The following SAP130 variants were observed in gnomAD, a reference collection of about 807,000 sequenced individuals.
SAP130 encodes the protein Sin3A associated protein 130.
A neutral mutation model predicts 103.2 loss-of-function variants in SAP130; 16 were observed. The observed-to-expected ratio is 0.16, with a 90% CI of 0.10 to 0.24. The LOEUF (loss-of-function observed/expected upper bound fraction) is 0.24. Among genes scored for constraint, SAP130 ranks in the 10% least tolerant of loss-of-function variants. The probability of loss-of-function intolerance (pLI) is 1.00; values close to 1 mark genes in which losing one functional copy is unlikely to be tolerated. For missense variants in SAP130, 990 were observed against 1,359.7 expected, an observed-to-expected ratio of 0.73 and a Z score of 4.28; for synonymous variants, 477 against 497.0, an observed-to-expected ratio of 0.96 and a Z score of 0.53.
intron 14 of SAP130, among the ~76,000 whole-genome samples, chr2:127,978,477 AC>A (rs920863522): frequency 1.4e-4 from 21 of 152,166 alleles, no homozygotes; most frequent in African/African-American, 5.1e-4. Flanking sequence ...GTTTATAAAG[AC>A]CCCGAAGCCA....
rs556025966 is a variant in SAP130 at position 127,982,090 on chromosome 2, T to C, written c.1959-4001A>G. Among the ~76,000 whole-genome samples the C allele has an allele frequency of 3.4e-4, 51 of 152,114 alleles. 1 individual carries two copies. The highest frequency in any genetic ancestry group is 1.2e-3 in the African/African-American group (51 of 41,482). ...TGCGTCTGTGACATTTTCTATATAC[T>C]TCCATGAAAATGATGAAAAAAAGAC... On this transcript the variant is annotated intron_variant, in intron 14 of 20. Coordinates refer to ENST00000643581, the MANE Select transcript of SAP130 (RefSeq NM_001330301.2).
In SAP130 at chr2:127,942,358, A is replaced by C. The variant is rs900627676; in HGVS notation, c.3015+66T>G. 2.5e-6 allele frequency: 3 copies of C among 1,218,848 alleles called. No individual in the cohort carries two copies. In the African/African-American group the frequency reaches 4.5e-5, roughly 18 times the overall value. The allele number at this position is 1,218,848 out of a possible 1,614,324, so 75.5% of individuals were successfully genotyped here. A position where few individuals can be genotyped will look rare whatever the true frequency, so the allele number is the denominator to read the frequency against. ...TGAGGGAGACGGGGGGAAACGGGAG[A>C]AGTAGGGCTTTACAGAAAGCAACTT... On this transcript the variant is annotated intron_variant, in intron 20 of 20. Transcript: ENST00000643581. The surrounding 1 kb of genome is among the most constrained non-coding windows in gnomAD (Gnocchi z 4.8).
chr2:127,997,053 G>C (rs747290798), intron 10 of SAP130, among the ~76,000 whole-genome samples: 1 of 152,284 alleles, frequency 6.6e-6, no homozygotes. Flanking sequence ...TAATTCCCAA[G>C]TCTGTTTCTT....
At chr2:128,017,642 G>A in intron 3 of SAP130, 38 bp downstream of exon 3, 1 of 1,531,126 alleles carries the variant, frequency 6.5e-7, no homozygotes, top group Non-Finnish European at 9.1e-7. Flanking sequence ...CCAGTCTCGA[G>A]CTCTGGTTCA....
rs747959672 is a variant in SAP130, at chr2:127,986,761, T to C, written c.1958+24A>G. The C allele has an allele frequency of 3.0e-5, 49 of 1,607,074 alleles. No individual in the cohort carries two copies. The highest frequency in any genetic ancestry group is 4.0e-5 in the Non-Finnish European group (47 of 1,174,844). On this transcript the variant is annotated intron_variant, in intron 14 of 20. Transcript: ENST00000643581. The surrounding 1 kb of genome is among the most constrained non-coding windows in gnomAD (Gnocchi z 4.7). ...GTTATATCCAGAACCAGAGGTGTCA[T>C]TCGGCACTACCAGGTCTACTCACCC...
intron 11 of SAP130, among the ~76,000 whole-genome samples, chr2:127,994,588 T>C (rs1481536340): frequency 1.3e-4 from 19 of 151,976 alleles, no homozygotes; most frequent in Admixed American, 1.2e-3. Flanking sequence ...TGAGACCTCA[T>C]CTCTACAAAA....
rs973531552 is a variant in SAP130, at chr2:127,942,594, C to T, written c.2902-57G>A. The T allele has an allele frequency of 2.5e-5, 27 of 1,095,124 alleles. No individual in the cohort carries two copies. In the Admixed American group the frequency reaches 3.5e-4, roughly 14 times the overall value. The allele number at this position is 1,095,124 out of a possible 1,614,324, so 67.8% of individuals were successfully genotyped here. On this transcript the variant is annotated intron_variant, in intron 19 of 20. Coordinates refer to ENST00000643581, the MANE Select transcript of SAP130 (RefSeq NM_001330301.2). The surrounding 1 kb of genome is among the most constrained non-coding windows in gnomAD (Gnocchi z 4.8). Reference sequence around the variant, plus strand: ...CTCGGAAATATTTTTCTATGTCAACCCCAGGCAAATGAACCCACCTTCAAT... The same window carrying T: ...CTCGGAAATATTTTTCTATGTCAACTCCAGGCAAATGAACCCACCTTCAAT...
intron 2 of SAP130, among the ~76,000 whole-genome samples, chr2:128,018,611 G>C (rs1429242999): frequency 6.6e-6 from 1 of 151,494 alleles, no homozygotes; most frequent in Non-Finnish European, 1.5e-5. Flanking sequence ...TGGCAACACA[G>C]TAAGACTCCA....
chr2:127,955,179 C>T lies in SAP130; in HGVS notation c.2229G>A (p.Pro743=), dbSNP rs764204259. 9.9e-6 allele frequency: 16 copies of T among 1,613,878 alleles called. No individual in the cohort carries two copies. Among genetic ancestry groups the T allele is most frequent in the South Asian group, 5.5e-5 (5 of 91,070 alleles). ...IPTMIAAASP[P]SQPAVALSTI... ...TTGAAAGGGCAACGGCTGGTTGTGA[C>T]GGGGGACTGGCTGCTGCAATCATAG... is the stretch of plus-strand genomic sequence containing the variant. The change falls in exon 16 of 21, where the codon CCG becomes CCA. Residue 743 remains proline (P), a synonymous_variant. Coordinates refer to ENST00000643581, the MANE Select transcript of SAP130 (RefSeq NM_001330301.2). This position sits in a 1 kb window ranked among gnomAD's most constrained non-coding sequence, Gnocchi z 4.9.
rs1041990868 is a variant in SAP130, at chr2:128,027,394, G to C, written c.-7+546C>G. ...CAATCCACAGCGACCTGCACGTTCA[G>C]AGCCCGCCCCACCCTCCCGCCGACT... is the stretch of plus-strand genomic sequence containing the variant. On this transcript the variant is annotated intron_variant, in intron 1 of 20. Transcript: ENST00000643581. The C allele has an allele frequency of 6.5e-5, 74 of 1,138,050 alleles. No individual in the cohort carries two copies. In the East Asian group the frequency reaches 3.2e-3, roughly 50 times the overall value. The allele number at this position is 1,138,050 out of a possible 1,614,324, so 70.5% of individuals were successfully genotyped here.
chr2:128,016,454 C>T lies in SAP130; in HGVS notation c.442G>A (p.Val148Ile), dbSNP rs561114474. ...LPPKVPGQVT[V>I]TMESSIPQAS... ...TGAGGGATGCTACTCTCCATGGTAA[C>T]GGTAACCTGCCCTGGAACCTTGGGG... The change falls in exon 4 of 21, where the codon GTT becomes ATT. Residue 148 changes from valine (V) to isoleucine (I), a missense_variant. Val to Ile is a conservative substitution (Grantham distance 29, BLOSUM62 3). Coordinates refer to ENST00000643581, the MANE Select transcript of SAP130 (RefSeq NM_001330301.2). The T allele has an allele frequency of 2.0e-5, 32 of 1,613,898 alleles. No homozygotes were observed. Among genetic ancestry groups the T allele is most frequent in the South Asian group, 2.2e-5 (2 of 91,064 alleles).
At position 127,955,056 on chromosome 2, in the gene SAP130, C is replaced by T. The variant is rs772556316; in HGVS notation, c.2352G>A (p.Leu784=). 6.2e-7 allele frequency: 1 copy of T among 1,614,016 alleles called. No homozygotes were observed. Among genetic ancestry groups the T allele is most frequent in the South Asian group, 1.1e-5 (1 of 91,070 alleles). Residue 784 remains leucine (L), a synonymous_variant, in exon 16 of 21, where the codon TTG becomes TTA. Transcript: ENST00000643581. The surrounding 1 kb of genome is among the most constrained non-coding windows in gnomAD (Gnocchi z 4.9). Reference sequence around the variant, plus strand: ...CTTTAATTTCAGGAACGGGAGGGCCCAAGACGGAGGAAAGACTGCCACCCA... The same window carrying T: ...CTTTAATTTCAGGAACGGGAGGGCCTAAGACGGAGGAAAGACTGCCACCCA... The part of the protein sequence containing the change: ...VTVGGSLSSV[L]GPPVPEIKVK...
At position 128,014,991 on chromosome 2, in the gene SAP130, A is replaced by C; in HGVS notation, c.508-77T>G. The C allele has an allele frequency of 6.0e-6, 7 of 1,169,004 alleles. No homozygotes were observed. In the South Asian group the frequency reaches 7.9e-5, roughly 13 times the overall value. The allele number at this position is 1,169,004 out of a possible 1,614,324, so 72.4% of individuals were successfully genotyped here. ...GCCTCTAGGAAGTCACCTGCCTCCA[A>C]ATGTGGGTCAGGTTGTTTTTTAGAT... is the stretch of plus-strand genomic sequence containing the variant. On this transcript the variant is annotated intron_variant, in intron 4 of 20. Transcript: ENST00000643581.
intron 2 of SAP130, among the ~76,000 whole-genome samples, chr2:128,025,869 C>T (rs1685466525): frequency 6.6e-6 from 1 of 152,182 alleles, no homozygotes; most frequent in Non-Finnish European, 1.5e-5. Flanking sequence ...TCCTTAAACA[C>T]CTCTGGGCTC....
intron 2 of SAP130, 92 bp downstream of exon 2, chr2:128,026,089 A>G: frequency 1.2e-6 from 1 of 846,192 alleles, no homozygotes; most frequent in South Asian, 1.6e-5. Flanking sequence ...AGAATTTACT[A>G]AAATCCTAGA....
In SAP130 at chr2:128,016,531, G is replaced by T; in HGVS notation, c.365C>A (p.Thr122Asn). The stretch of plus-strand genomic sequence containing the variant: ...AGGAGCAATGGGACGGCTAGGCATG[G>T]TGGGCTTCGGGGGCGGCTGCAAACA... Reference protein sequence around the residue: ...EGLMKPPPKPTMPSRPIAPAP... With the variant: ...EGLMKPPPKPNMPSRPIAPAP... The change falls in exon 4 of 21, where the codon ACC (threonine) becomes AAC (asparagine). Residue 122 changes from threonine (T) to asparagine (N), a missense_variant. Around this residue, in one of 6 missense-constraint regions of SAP130, gnomAD observed 167 missense variants for 187.4 expected, o/e 0.89. Coordinates refer to ENST00000643581, the MANE Select transcript of SAP130 (RefSeq NM_001330301.2). 1 of 1,612,438 alleles carries T rather than the reference G, an allele frequency of 6.2e-7. No individual in the cohort carries two copies.
chr2:128,008,277 T>C (rs1328309872), intron 7 of SAP130, among the ~76,000 whole-genome samples: 1 of 152,212 alleles, frequency 6.6e-6, no homozygotes, highest in Non-Finnish European at 1.5e-5. Flanking sequence ...AACAGCATGA[T>C]GTCATCCCTG....
At position 127,989,204 on chromosome 2, in the gene SAP130, T is replaced by C. The variant is rs944726458; in HGVS notation, c.1780+360A>G. Among the ~76,000 whole-genome samples the C allele has an allele frequency of 6.6e-6, 1 of 151,812 alleles. No individual in the cohort carries two copies. Among genetic ancestry groups the C allele is most frequent in the African/African-American group, 2.4e-5 (1 of 41,332 alleles). On this transcript the variant is annotated intron_variant, in intron 13 of 20. Coordinates refer to ENST00000643581, the MANE Select transcript of SAP130 (RefSeq NM_001330301.2). This position sits in a 1 kb window ranked among gnomAD's most constrained non-coding sequence, Gnocchi z 4.6. ...AGCTCCACATCCCCAGTTCACGCCATTCTCTCGCCTCAGCCTCCCGAGTAG... is the reference window on the plus strand; with the variant it reads ...AGCTCCACATCCCCAGTTCACGCCACTCTCTCGCCTCAGCCTCCCGAGTAG...
At chr2:127,944,952 C>T (rs1173223416) in intron 19 of SAP130, among the ~76,000 whole-genome samples, 1 of 151,212 alleles carries the variant, frequency 6.6e-6, no homozygotes, top group Non-Finnish European at 1.5e-5. Flanking sequence ...AGGTATGCCC[C>T]GGTCTCTGAA....
Sources: gnomAD v4.1 joint callset for allele counts (sites outside exome capture counted in the v4.1 genomes callset) on GRCh38, gnomAD v4.1.1 for gene constraint, gnomAD v4.1.1 regional missense constraint, Gnocchi (gnomAD v3.1) non-coding constraint, MANE v1.5 for transcripts, NCBI Gene and HGNC (gene_info 2026-07-23, HGNC 2026-07-21) for gene names.